Variants in TAFA1 observed in about 807,000 individuals in gnomAD.
TAFA1 encodes chemokine-like protein TAFA-1.
Under a neutral mutation model 18.5 loss-of-function variants are expected in TAFA1, and 4 were observed. The ratio of observed to expected loss-of-function variants is 0.22; its 90% confidence interval spans 0.11 to 0.49. TAFA1 has a LOEUF of 0.49. Ranked by LOEUF, TAFA1 falls within the 20% of genes least tolerant of loss-of-function variation. The pLI, the probability that TAFA1 is intolerant of heterozygous loss-of-function variation, is 0.98. For missense variants in TAFA1, 147 were observed against 169.0 expected (o/e 0.87, Z 0.72); for synonymous variants, 56 against 55.2 (o/e 1.01, Z -0.06).
intron 3 of TAFA1, among the ~76,000 whole-genome samples, chr3:68,445,541 A>C (rs1432366392): frequency 6.6e-6 from 1 of 152,180 alleles, no homozygotes; most frequent in Non-Finnish European, 1.5e-5. Context: ...GCAGACACTG[A>C]AATTAGCATT....
intron 2 of TAFA1, among the ~76,000 whole-genome samples, chr3:68,086,563 T>C (rs1056141966): frequency 6.6e-6 from 1 of 152,254 alleles, no homozygotes; most frequent in Admixed American, 6.5e-5. Flanking sequence ...ATTTTGACTA[T>C]AATTTTTCCT....
chr3:68,005,122 TC>T (rs1288520861), intron 1 of TAFA1, among the ~76,000 whole-genome samples: 1 of 152,200 alleles, frequency 6.6e-6, no homozygotes, highest in Non-Finnish European at 1.5e-5. Flanking sequence ...GTTTTGTCTT[TC>T]TGTAATTTGC....
intron 2 of TAFA1, among the ~76,000 whole-genome samples, chr3:68,202,228 T>G (rs2066477106): frequency 6.6e-6 from 1 of 151,754 alleles, no homozygotes; most frequent in Non-Finnish European, 1.5e-5. Flanking sequence ...TCCATTTATT[T>G]TTAATCTGTG....
chr3:68,467,956 T>G (rs2071922009), intron 3 of TAFA1, among the ~76,000 whole-genome samples: 1 of 152,182 alleles, frequency 6.6e-6, no homozygotes. Flanking sequence ...GTTGTGAACA[T>G]TATAGTAAAC....
intron 3 of TAFA1, among the ~76,000 whole-genome samples, chr3:68,489,334 A>G (rs2072408744): frequency 6.6e-6 from 1 of 152,196 alleles, no homozygotes; most frequent in Non-Finnish European, 1.5e-5. Flanking sequence ...AATGCTACCA[A>G]TTCTATGGTC....
At chr3:68,023,484 G>A (rs1021245436) in intron 2 of TAFA1, among the ~76,000 whole-genome samples, 3 of 152,152 alleles carry the variant, frequency 2.0e-5, no homozygotes, top group South Asian at 2.1e-4. Flanking sequence ...GGGCCATGAA[G>A]TACAGTTCTA....
At chr3:68,349,127 TA>T (rs796766945) in intron 2 of TAFA1, among the ~76,000 whole-genome samples, 49 of 151,920 alleles carry the variant, frequency 3.2e-4, no homozygotes, top group African/African-American at 1.1e-3. Flanking sequence ...TGCTATTTTC[TA>T]AGGACATCAT....
intron 2 of TAFA1, among the ~76,000 whole-genome samples, chr3:68,236,643 C>G (rs55723669): frequency 0.014 from 2,160 of 152,292 alleles, 46 homozygotes; most frequent in East Asian, 0.094. Context: ...CAATTGCAGT[C>G]TTTCATATTC....
chr3:68,541,886 G>A (rs976586923), intron 4 of TAFA1, among the ~76,000 whole-genome samples: 2 of 152,096 alleles, frequency 1.3e-5, no homozygotes, highest in African/African-American at 4.8e-5. Flanking sequence ...GTTAAATAAT[G>A]TTTCAAAGTC....
chr3:68,370,780 G>GTTTTTTTTTTTT (rs34524243), intron 2 of TAFA1, among the ~76,000 whole-genome samples: 6 of 122,140 alleles, frequency 4.9e-5, no homozygotes, highest in Non-Finnish European at 8.4e-5. Context: ...TGTTTTCGTT[G>GTTTTTTTTTTTT]TTTTTTTTTT....
At chr3:68,039,497 A>G (rs971679779) in intron 2 of TAFA1, among the ~76,000 whole-genome samples, 2 of 152,062 alleles carry the variant, frequency 1.3e-5, no homozygotes, top group African/African-American at 2.4e-5. Flanking sequence ...GCTATTGTAC[A>G]TGTGTGTATT....
chr3:68,301,273 G>A (rs1302004384), intron 2 of TAFA1, among the ~76,000 whole-genome samples: 4 of 151,952 alleles, frequency 2.6e-5, no homozygotes, highest in Non-Finnish European at 1.5e-5. Context: ...TCCTCCTTAT[G>A]TAAAAGTTAT....
At chr3:68,444,871 T>C (rs2071450295) in intron 3 of TAFA1, among the ~76,000 whole-genome samples, 1 of 150,588 alleles carries the variant, frequency 6.6e-6, no homozygotes, top group African/African-American at 2.4e-5. Context: ...TCTCCGTTTA[T>C]AACTTCTATG....
At chr3:68,060,914 A>T (rs537469855) in intron 2 of TAFA1, among the ~76,000 whole-genome samples, 14 of 152,306 alleles carry the variant, frequency 9.2e-5, no homozygotes, top group Admixed American at 6.5e-4. Context: ...CACCATCACA[A>T]ACCAGCTTGT....
rs2066398181 is a variant in TAFA1, at chr3:68,195,400, G to T, written c.118+188656G>T. Reference sequence around the variant, plus strand: ...AACAGTTTGAGTTTGAGGACTTCTTGTATATAGGTGCTTATGATCATGTCT... The same window carrying T: ...AACAGTTTGAGTTTGAGGACTTCTTTTATATAGGTGCTTATGATCATGTCT... On this transcript the variant is annotated intron_variant, in intron 2 of 4. Coordinates refer to ENST00000478136, the MANE Select transcript of TAFA1 (RefSeq NM_213609.4). 2.0e-5 allele frequency among the ~76,000 whole-genome samples: 3 copies of T among 148,036 alleles called. 1 individual carries two copies. In the South Asian group the frequency reaches 6.8e-4, roughly 33 times the overall value.
chr3:68,450,898 C>T (rs1394431977), intron 3 of TAFA1, among the ~76,000 whole-genome samples: 10 of 152,172 alleles, frequency 6.6e-5, no homozygotes, highest in Non-Finnish European at 5.9e-5. Context: ...CATTGTAACT[C>T]ATTTGAAACT....
At chr3:68,515,976 G>A (rs1414578195) in intron 3 of TAFA1, among the ~76,000 whole-genome samples, 1 of 152,208 alleles carries the variant, frequency 6.6e-6, no homozygotes, top group Non-Finnish European at 1.5e-5. Flanking sequence ...TTTGCAGGCT[G>A]CACTGGCCCT....
rs1435014542 is a variant in TAFA1 at position 68,545,531 on chromosome 3, G to C, written c.*1028G>C. 1 of 152,670 alleles carries C rather than the reference G, an allele frequency of 6.6e-6. No individual in the cohort carries two copies. The allele number at this position is 152,670 out of a possible 1,614,324, so 9.5% of individuals were successfully genotyped here. The stretch of plus-strand genomic sequence containing the variant: ...TATTCAGGTCTCCTCTTGTGAGATA[G>C]GAAGGCCATGAAAACAATTAGATTT... On this transcript the variant is annotated 3_prime_UTR_variant, in exon 5 of 5. Transcript: ENST00000478136.
intron 3 of TAFA1, among the ~76,000 whole-genome samples, chr3:68,448,280 A>G (rs1421689873): frequency 1.3e-5 from 2 of 152,208 alleles, no homozygotes; most frequent in Non-Finnish European, 2.9e-5. Flanking sequence ...GCAACTAATA[A>G]AATCAATTAT....
Sources: allele counts gnomAD v4.1 joint callset (sites outside exome capture counted in the v4.1 genomes callset), GRCh38; gene constraint gnomAD v4.1.1; transcripts MANE v1.5; gene names NCBI Gene and HGNC (gene_info 2026-07-23, HGNC 2026-07-21).